The following DNAH9 variants were observed in gnomAD, a reference collection of about 807,000 sequenced individuals.
DNAH9 encodes the protein dynein axonemal heavy chain 9.
DNAH9 carries 345 observed loss-of-function variants against 471.6 expected under a neutral mutation model. That is an observed-to-expected ratio of 0.73 (90% CI 0.67 to 0.80). The LOEUF is 0.80. Among genes scored for constraint, DNAH9 ranks in the 30% least tolerant of loss-of-function variants. DNAH9 has a pLI of 0.00. For synonymous variants in DNAH9, 2,093 were observed against 2,123.6 expected (o/e 0.99, Z 0.40); for missense variants, 5,407 against 5,609.2 (o/e 0.96, Z 1.15).
At chr17:11,619,984 G>C (rs996458256) in intron 6 of DNAH9, 9 of 562,076 alleles carry the variant, frequency 1.6e-5, no homozygotes, top group African/African-American at 5.6e-5. Flanking sequence ...GCAAAGGTGG[G>C]TGGATTGCTT....
At chr17:11,644,107 A>G (rs2073332673) in intron 10 of DNAH9, among the ~76,000 whole-genome samples, 1 of 152,186 alleles carries the variant, frequency 6.6e-6, no homozygotes, top group South Asian at 2.1e-4. Context: ...TTACACCAGC[A>G]TCACCACAGC....
At chr17:11,815,300 G>A (rs372215314) in intron 45 of DNAH9, among the ~76,000 whole-genome samples, 3 of 151,124 alleles carry the variant, frequency 2.0e-5, no homozygotes, top group African/African-American at 7.3e-5. Flanking sequence ...TACCACCTAT[G>A]TCCAAGAGAT....
chr17:11,817,878 AATTC>A (rs748276352), intron 45 of DNAH9, among the ~76,000 whole-genome samples: 71 of 150,742 alleles, frequency 4.7e-4, no homozygotes, highest in Non-Finnish European at 6.8e-4. Flanking sequence ...CTTTCATGAT[AATTC>A]ATTTTTTTAT....
At position 11,902,724 on chromosome 17, in the gene DNAH9, T is replaced by G. The variant is rs759471964; in HGVS notation, c.11412T>G (p.Leu3804=). The part of the protein sequence containing the change: ...SHQAWGAVKV[L]SSMEEFSNLD... The stretch of plus-strand genomic sequence containing the variant: ...GATTCTCTGAAATTTCCCAGGTACT[T>G]TCATCAATGGAAGAATTCTCTAATC... Residue 3804 remains leucine (L), a synonymous_variant, in exon 60 of 69, where the codon CTT becomes CTG. Transcript: ENST00000262442. The G allele has an allele frequency of 6.2e-7, 1 of 1,607,450 alleles. No homozygotes were observed. Among genetic ancestry groups the G allele is most frequent in the Admixed American group, 1.7e-5 (1 of 58,148 alleles).
intron 3 of DNAH9, among the ~76,000 whole-genome samples, chr17:11,611,181 TG>T (rs1482390731): frequency 6.6e-6 from 1 of 152,220 alleles, no homozygotes; most frequent in Non-Finnish European, 1.5e-5. Context: ...GTGCCTGTCC[TG>T]GCATGGAATG....
intron 41 of DNAH9, among the ~76,000 whole-genome samples, chr17:11,789,766 C>T (rs998319904): frequency 2.0e-5 from 3 of 151,936 alleles, no homozygotes; most frequent in Admixed American, 2.0e-4. Context: ...AACTTCTTGG[C>T]ATGGCTACTT....
rs918759967 is a variant in DNAH9, at chr17:11,949,938, CTTA to C, written c.12843+7458_12843+7460del. 3.9e-5 allele frequency among the ~76,000 whole-genome samples: 6 copies of C among 152,270 alleles called. No homozygotes were observed. The South Asian group carries it at 8.3e-4, about 21-fold the overall frequency. ...AATTATTGTCAGAATACATTATAAT[CTTA>C]TTATAAGCAGATGTGGGAAATTTTT... On this transcript the variant is annotated intron_variant, in intron 67 of 68. Transcript: ENST00000262442.
Position 11,664,870 on chromosome 17 carries a change from A to G in DNAH9, c.2633A>G (p.Asn878Ser), listed in dbSNP as rs762224444. 10 of 1,613,118 alleles carry G rather than the reference A, an allele frequency of 6.2e-6. No individual in the cohort carries two copies. The Admixed American group carries it at 1.0e-4, about 16-fold the overall frequency. Residue 878 changes from asparagine to serine, a missense_variant, in exon 15 of 69, where the codon AAT becomes AGT. By Grantham distance (46) the Asn-to-Ser change is conservative. Transcript: ENST00000262442. ...LGLFSADPTS[N>S]IWKTYVNSID... ...CTATTTTCAGCAGACCCAACCTCCA[A>G]TATCTGGAAGACTTATGTTAACTCT...
intron 38 of DNAH9, among the ~76,000 whole-genome samples, chr17:11,773,852 G>A (rs1968314766): frequency 6.6e-6 from 1 of 152,214 alleles, no homozygotes; most frequent in Non-Finnish European, 1.5e-5. Context: ...CTAATAAGTG[G>A]GGCGTGGAGG....
chr17:11,783,116 T>TTTG lies in DNAH9; in HGVS notation c.7719-515_7719-513dup, dbSNP rs533541864. Among the ~76,000 whole-genome samples, 36 of 152,202 alleles carry TTTG rather than the reference T, an allele frequency of 2.4e-4. No individual in the cohort carries two copies. In the East Asian group the frequency reaches 4.3e-3, roughly 18 times the overall value. On this transcript the variant is annotated intron_variant, in intron 39 of 68. Coordinates refer to ENST00000262442, the MANE Select transcript of DNAH9 (RefSeq NM_001372.4). ...TTGCAAGCTTGTCCAGCTGCCTTAT[T>TTTG]TTGTTGTTGTTGTTGTTCTGGTTTG...
intron 3 of DNAH9, among the ~76,000 whole-genome samples, chr17:11,611,267 C>A (rs1480715928): frequency 6.6e-6 from 1 of 152,212 alleles, no homozygotes; most frequent in Non-Finnish European, 1.5e-5. Context: ...TGCTGAGATG[C>A]CCCATGCTCT....
intron 43 of DNAH9, among the ~76,000 whole-genome samples, chr17:11,804,587 G>A (rs1171519849): frequency 6.6e-6 from 1 of 152,156 alleles, no homozygotes; most frequent in Non-Finnish European, 1.5e-5. Flanking sequence ...CCATTAAATT[G>A]GCAAAGATTG....
intron 50 of DNAH9, among the ~76,000 whole-genome samples, chr17:11,863,313 TG>T (rs1211786177): frequency 1.3e-5 from 2 of 152,218 alleles, no homozygotes; most frequent in Non-Finnish European, 2.9e-5. Flanking sequence ...GTTTATATGC[TG>T]GATTACATTT....
intron 48 of DNAH9, 125 bp downstream of exon 48, chr17:11,823,159 A>T: frequency 1.3e-6 from 1 of 785,134 alleles, no homozygotes; most frequent in Non-Finnish European, 2.0e-6. Context: ...AGAGACTCCC[A>T]TGTCATCAGT....
chr17:11,617,502 G>C lies in DNAH9; in HGVS notation c.996G>C (p.Lys332Asn). 6.2e-7 allele frequency: 1 copy of C among 1,614,106 alleles called. No individual in the cohort carries two copies. Among genetic ancestry groups the C allele is most frequent in the Non-Finnish European group, 8.5e-7 (1 of 1,180,024 alleles). Residue 332 changes from lysine (K) to asparagine (N), a missense_variant, in exon 5 of 69, where the codon AAG (lysine) becomes AAC (asparagine). Around this residue, in one of 3 missense-constraint regions of DNAH9, gnomAD observed 767 missense variants for 692.5 expected, o/e 1.11. Transcript: ENST00000262442. ...ALENAEFPEVKPQLRPLLHVV... is the reference protein window; with the variant it reads ...ALENAEFPEVNPQLRPLLHVV... ...AGAATGCAGAATTTCCGGAGGTGAA[G>C]CCCCAGCTGCGGCCCCTGCTCCACG...
intron 45 of DNAH9, among the ~76,000 whole-genome samples, chr17:11,816,976 G>A (rs756800881): frequency 2.0e-5 from 3 of 151,942 alleles, no homozygotes; most frequent in African/African-American, 4.8e-5. Context: ...GGAGAATGGC[G>A]TGAACCCAGG....
rs867046966 is a variant in DNAH9 at position 11,711,931 on chromosome 17, T to C, written c.5552+6746T>C. On this transcript the variant is annotated intron_variant, in intron 26 of 68. Coordinates refer to ENST00000262442, the MANE Select transcript of DNAH9 (RefSeq NM_001372.4). ...TTGTATATATATTTATATATAAATA[T>C]ATATATTTGTATATATATTTATATA... 4.5e-4 allele frequency among the ~76,000 whole-genome samples: 20 copies of C among 44,802 alleles called. 9 individuals are homozygous for C. The highest frequency in any genetic ancestry group is 6.7e-4 in the Non-Finnish European group (18 of 26,978). The allele number at this position is 44,802 out of a possible 152,430, so 29.4% of individuals were successfully genotyped here. A position where few individuals can be genotyped will look rare whatever the true frequency, so the allele number is the denominator to read the frequency against.
At position 11,771,611 on chromosome 17, in the gene DNAH9, G is replaced by A. The variant is rs8072952; in HGVS notation, c.7552+2282G>A. Among the ~76,000 whole-genome samples, 793 of 152,258 alleles carry A rather than the reference G, an allele frequency of 5.2e-3. 6 individuals are homozygous for A. Among genetic ancestry groups the A allele is most frequent in the African/African-American group, 0.018 (756 of 41,550 alleles). Reference sequence around the variant, plus strand: ...CAGCACCTGGCAGTGGCCTTAAGCCGACTTCACCTGTCTGGCTAATTTAAA... The same window carrying A: ...CAGCACCTGGCAGTGGCCTTAAGCCAACTTCACCTGTCTGGCTAATTTAAA... On this transcript the variant is annotated intron_variant, in intron 38 of 68. Transcript: ENST00000262442.
At chr17:11,762,164 G>A (rs1181741012) in intron 35 of DNAH9, among the ~76,000 whole-genome samples, 1 of 152,192 alleles carries the variant, frequency 6.6e-6, no homozygotes, top group African/African-American at 2.4e-5. Context: ...TGTAAGAATT[G>A]CAATTAGATT....
Sources: allele counts gnomAD v4.1 joint callset (sites outside exome capture counted in the v4.1 genomes callset), GRCh38; gene constraint gnomAD v4.1.1; regional missense constraint gnomAD v4.1.1; transcripts MANE v1.5; gene names NCBI Gene and HGNC (gene_info 2026-07-23, HGNC 2026-07-21).